Variants in TEX36 observed in about 807,000 individuals in gnomAD.
TEX36 encodes testis-expressed protein 36.
A neutral mutation model predicts 13.6 loss-of-function variants in TEX36; 12 were observed. The observed-to-expected ratio is 0.88, with a 90% CI of 0.56 to 1.43. The LOEUF is 1.43. TEX36 is among the 40% of genes most tolerant of loss of function. The pLI is 0.00. For synonymous variants in TEX36, 93 were observed against 83.0 expected, an observed-to-expected ratio of 1.12 and a Z score of -0.65; for missense variants, 224 against 228.3, an observed-to-expected ratio of 0.98 and a Z score of 0.12.
intron 3 of TEX36, among the ~76,000 whole-genome samples, chr10:125,606,756 A>G (rs1846220770): frequency 6.6e-6 from 1 of 152,194 alleles, no homozygotes; most frequent in Admixed American, 6.5e-5. Flanking sequence ...AATTATTTCA[A>G]ATTCTGAAGG....
At chr10:125,646,509 C>T (rs1846770824) in intron 3 of TEX36, among the ~76,000 whole-genome samples, 1 of 151,986 alleles carries the variant, frequency 6.6e-6, no homozygotes, top group African/African-American at 2.4e-5. Context: ...ATGTTTTCAC[C>T]TTGAGAAGCC....
intron 3 of TEX36, among the ~76,000 whole-genome samples, chr10:125,649,963 T>C (rs1265545645): frequency 6.6e-6 from 1 of 152,186 alleles, no homozygotes; most frequent in Non-Finnish European, 1.5e-5. Context: ...TAAATATATA[T>C]GCACCCAATA....
chr10:125,582,730 G>A (rs1849300913), intron 3 of TEX36, among the ~76,000 whole-genome samples: 2 of 152,132 alleles, frequency 1.3e-5, no homozygotes, highest in South Asian at 2.1e-4. Flanking sequence ...TCTTGAAGTG[G>A]TATTTTTCAG....
At chr10:125,588,481 A>G (rs1301661630) in intron 3 of TEX36, among the ~76,000 whole-genome samples, 1 of 152,194 alleles carries the variant, frequency 6.6e-6, no homozygotes, top group Non-Finnish European at 1.5e-5. Flanking sequence ...GTCTGCTTCT[A>G]GTGAAGACCT....
At chr10:125,605,658 G>A (rs1268069406) in intron 3 of TEX36, among the ~76,000 whole-genome samples, 3 of 152,136 alleles carry the variant, frequency 2.0e-5, no homozygotes, top group Non-Finnish European at 4.4e-5. Flanking sequence ...CTGGAGCACA[G>A]TGGTGCCATC....
intron 3 of TEX36, among the ~76,000 whole-genome samples, chr10:125,659,486 A>T: frequency 6.6e-6 from 1 of 152,226 alleles, no homozygotes; most frequent in East Asian, 1.9e-4. Context: ...ACAATTCTGT[A>T]TGATTTCAGT....
At chr10:125,615,293 G>A (rs1437544796) in intron 3 of TEX36, among the ~76,000 whole-genome samples, 25 of 151,972 alleles carry the variant, frequency 1.6e-4, no homozygotes, top group African/African-American at 2.2e-4. Flanking sequence ...CTGCCTAATT[G>A]CCCTGGCCAG....
chr10:125,620,072 G>C (rs1258841944), downstream of TEX36, among the ~76,000 whole-genome samples: 1 of 152,036 alleles, frequency 6.6e-6, no homozygotes, highest in South Asian at 2.1e-4. Flanking sequence ...GCTGTTTTAA[G>C]TAACTCTGTA....
At chr10:125,593,831 G>A (rs1056316059) in intron 3 of TEX36, among the ~76,000 whole-genome samples, 2 of 152,196 alleles carry the variant, frequency 1.3e-5, no homozygotes, top group Non-Finnish European at 2.9e-5. Context: ...TTCTGGAGAT[G>A]GATGGCGGTG....
intron 1 of TEX36, chr10:125,666,973 C>T (rs750694448): frequency 1.4e-5 from 16 of 1,116,666 alleles, no homozygotes; most frequent in South Asian, 3.0e-5. Flanking sequence ...CTGTTGGCCA[C>T]GGCTCACTTG....
chr10:125,656,249 CTTTTTTTTTTTTTTTT>C (rs66461124), intron 3 of TEX36, 53 bp from the exon 4 acceptor site: 19 of 262,646 alleles, frequency 7.2e-5, no homozygotes, highest in East Asian at 1.2e-4. Context: ...TCACATAGTT[CTTTTTTTTTTTTTTTT>C]TTTTTTTTTG....
intron 3 of TEX36, among the ~76,000 whole-genome samples, chr10:125,639,952 A>C (rs992401874): frequency 1.3e-5 from 2 of 152,242 alleles, no homozygotes; most frequent in African/African-American, 4.8e-5. Context: ...AAAGGCTATA[A>C]ACAGCAGAAG....
chr10:125,680,731 T>C (rs1257239179), intron 1 of TEX36, among the ~76,000 whole-genome samples: 1 of 152,250 alleles, frequency 6.6e-6, no homozygotes, highest in Non-Finnish European at 1.5e-5. Context: ...GGAAACTTCA[T>C]GATCAGCACT....
At chr10:125,679,696 G>A (rs912698949) in intron 1 of TEX36, among the ~76,000 whole-genome samples, 3 of 152,142 alleles carry the variant, frequency 2.0e-5, no homozygotes, top group South Asian at 2.1e-4. Context: ...CCCCACGTAC[G>A]GTGTTTCCTG....
At chr10:125,674,398 T>C (rs1419897355) in intron 1 of TEX36, among the ~76,000 whole-genome samples, 2 of 152,232 alleles carry the variant, frequency 1.3e-5, no homozygotes. Flanking sequence ...TTGTTATTAC[T>C]CACCTTCTGA....
At position 125,630,652 on chromosome 10, in the gene TEX36, A is replaced by C. The variant is rs534802558; in HGVS notation, c.265-9007T>G. On this transcript the variant is annotated intron_variant, in intron 3 of 3. Transcript: ENST00000526819. The stretch of plus-strand genomic sequence containing the variant: ...ACGGGGAAATGCGAGTTATTCGGGC[A>C]TCTGGAAGGCTGACTGCCATGCATG... Among the ~76,000 whole-genome samples, 4 of 152,286 alleles carry C rather than the reference A, an allele frequency of 2.6e-5. No individual in the cohort carries two copies. The South Asian group carries it at 8.3e-4, about 32-fold the overall frequency.
intron 1 of TEX36, among the ~76,000 whole-genome samples, chr10:125,674,123 A>G (rs1012845255): frequency 6.6e-6 from 1 of 151,914 alleles, no homozygotes; most frequent in Non-Finnish European, 1.5e-5. Flanking sequence ...ATTCCTTTTC[A>G]TTCATTTTTC....
chr10:125,615,766 T>C (rs901138914), intron 3 of TEX36, among the ~76,000 whole-genome samples: 1 of 151,926 alleles, frequency 6.6e-6, no homozygotes, highest in African/African-American at 2.4e-5. Context: ...TGTCTCTGCC[T>C]GGCTTTGGTA....
intron 3 of TEX36, among the ~76,000 whole-genome samples, chr10:125,642,912 A>T (rs1846711319): frequency 6.6e-6 from 1 of 152,180 alleles, no homozygotes; most frequent in South Asian, 2.1e-4. Flanking sequence ...TATCTATGAC[A>T]AGTGATCTCA....
Sources: allele counts gnomAD v4.1 joint callset (sites outside exome capture counted in the v4.1 genomes callset), GRCh38; gene constraint gnomAD v4.1.1; transcripts MANE v1.5; gene names NCBI Gene and HGNC (gene_info 2026-07-23, HGNC 2026-07-21).